The following L2HGDH variants were observed in gnomAD, a reference collection of about 807,000 sequenced individuals.
The protein encoded by L2HGDH is L-2-hydroxyglutarate dehydrogenase, also known as L-2-hydroxyglutarate dehydrogenase, mitochondrial.
A neutral mutation model predicts 51.5 loss-of-function variants in L2HGDH; 34 were observed. The observed-to-expected ratio is 0.66, with a 90% CI of 0.50 to 0.88. The LOEUF (loss-of-function observed/expected upper bound fraction) is 0.88. Ranked by LOEUF, L2HGDH falls within the 40% of genes least tolerant of loss-of-function variation. The pLI is 0.00. For missense variants in L2HGDH, 558 were observed against 571.9 expected (o/e 0.98, Z 0.25); for synonymous variants, 198 against 197.9 (o/e 1.00, Z -0.01).
At chr14:50,281,786 T>C (rs1403069279) in intron 5 of L2HGDH, among the ~76,000 whole-genome samples, 1 of 152,182 alleles carries the variant, frequency 6.6e-6, no homozygotes, top group Non-Finnish European at 1.5e-5. Flanking sequence ...CCAGGAGTGA[T>C]TCCTTCACCC....
At chr14:50,284,889 T>C (rs1276251751) in intron 4 of L2HGDH, among the ~76,000 whole-genome samples, 1 of 152,220 alleles carries the variant, frequency 6.6e-6, no homozygotes, top group Non-Finnish European at 1.5e-5. Context: ...ATTGTAAAGA[T>C]CTCACTCTTG....
chr14:50,286,972 T>C (rs1338440129), intron 4 of L2HGDH, among the ~76,000 whole-genome samples: 8 of 152,196 alleles, frequency 5.3e-5, no homozygotes, highest in African/African-American at 1.7e-4. Flanking sequence ...GTGCCTAACA[T>C]AGTGTGTGGC....
chr14:50,302,853 G>T, intron 2 of L2HGDH, 49 bp downstream of exon 2: 1 of 1,180,764 alleles, frequency 8.5e-7, no homozygotes, highest in South Asian at 1.2e-5. Flanking sequence ...CAGACAAAAT[G>T]AGCAGATGCC....
intron 7 of L2HGDH, among the ~76,000 whole-genome samples, chr14:50,268,325 G>A (rs537531426): frequency 6.8e-6 from 1 of 146,166 alleles, no homozygotes; most frequent in Non-Finnish European, 1.5e-5. Context: ...GTTGCAATAA[G>A]CCAAGATCAT....
At chr14:50,294,965 T>C (rs1313730621) in intron 3 of L2HGDH, among the ~76,000 whole-genome samples, 1 of 152,192 alleles carries the variant, frequency 6.6e-6, no homozygotes, top group Non-Finnish European at 1.5e-5. Flanking sequence ...GGTGACACTT[T>C]TAATCAAGGT....
chr14:50,270,396 GTTCTTA>G (rs1889602383), intron 6 of L2HGDH, among the ~76,000 whole-genome samples: 1 of 152,162 alleles, frequency 6.6e-6, no homozygotes. Context: ...TAGCAATTCT[GTTCTTA>G]TTCTTAGATC....
intron 9 of L2HGDH, among the ~76,000 whole-genome samples, chr14:50,262,052 C>T (rs1251930610): frequency 4.6e-5 from 7 of 152,186 alleles, no homozygotes; most frequent in Non-Finnish European, 1.0e-4. Flanking sequence ...TGTGCTTTCA[C>T]TGCAATACTA....
chr14:50,245,298 T>C lies in L2HGDH; in HGVS notation c.*1760A>G. 1 of 984,908 alleles carries C rather than the reference T, an allele frequency of 1.0e-6. No homozygotes were observed. Among genetic ancestry groups the C allele is most frequent in the Non-Finnish European group, 1.2e-6 (1 of 829,478 alleles). The allele number at this position is 984,908 out of a possible 1,614,324, so 61.0% of individuals were successfully genotyped here. A position where few individuals can be genotyped will look rare whatever the true frequency, so the allele number is the denominator to read the frequency against. On this transcript the variant is annotated 3_prime_UTR_variant, in exon 10 of 10. Coordinates refer to ENST00000267436, the MANE Select transcript of L2HGDH (RefSeq NM_024884.3). ...ATAAATAACTTTTTTAAATTGGAGTTCTATACATCAGTGTCAGGATTCTAA... is the reference window on the plus strand; with the variant it reads ...ATAAATAACTTTTTTAAATTGGAGTCCTATACATCAGTGTCAGGATTCTAA...
intron 6 of L2HGDH, among the ~76,000 whole-genome samples, chr14:50,276,576 T>C (rs996817999): frequency 2.0e-5 from 3 of 151,942 alleles, no homozygotes; most frequent in African/African-American, 7.3e-5. Flanking sequence ...GGGTAGGGGC[T>C]AATCCAATAG....
intron 4 of L2HGDH, among the ~76,000 whole-genome samples, chr14:50,285,499 A>G (rs1890518922): frequency 6.6e-6 from 1 of 152,218 alleles, no homozygotes; most frequent in South Asian, 2.1e-4. Context: ...CTAAATTCAC[A>G]TGCCAGTAAC....
chr14:50,275,872 C>A (rs1889952218), intron 6 of L2HGDH, among the ~76,000 whole-genome samples: 1 of 152,220 alleles, frequency 6.6e-6, no homozygotes, highest in African/African-American at 2.4e-5. Context: ...ATCCCCACAA[C>A]TTCGCTATTA....
chr14:50,283,953 T>G lies in L2HGDH; in HGVS notation c.621A>C (p.Gln207His), dbSNP rs1308001424. ...TGGTCAAGACAGAGCCACCTGCTTCTTGGAAATCCTGGGCAAATGACAAAG... is the reference window on the plus strand; with the variant it reads ...TGGTCAAGACAGAGCCACCTGCTTCGTGGAAATCCTGGGCAAATGACAAAG... The part of the protein sequence containing the change: ...QVALSFAQDF[Q>H]EAGGSVLTNF... The change falls in exon 5 of 10, where the codon CAA becomes CAC. Residue 207 changes from glutamine (Q) to histidine (H), a missense_variant. Gln to His is a conservative substitution (Grantham distance 24). Transcript: ENST00000267436. 6.2e-7 allele frequency: 1 copy of G among 1,614,136 alleles called. No individual in the cohort carries two copies. The highest frequency in any genetic ancestry group is 8.5e-7 in the Non-Finnish European group (1 of 1,180,010).
At position 50,269,217 on chromosome 14, in the gene L2HGDH, A is replaced by G. The variant is rs200003497; in HGVS notation, c.852T>C (p.Asp284=). 52 of 1,614,046 alleles carry G rather than the reference A, an allele frequency of 3.2e-5. No homozygotes were observed. In the Middle Eastern group the frequency reaches 4.9e-4, roughly 15 times the overall value. Residue 284 remains aspartate (D), a synonymous_variant, in exon 7 of 10, where the codon GAT becomes GAC. Transcript: ENST00000267436. ...PDPRIVPFRG[D]YLLLKPEKCY... ...ATTTTTCTGGCTTCAAAAGCAGGTAATCTCCCCGGAATGGTACAATTCGAG... is the reference window on the plus strand; with the variant it reads ...ATTTTTCTGGCTTCAAAAGCAGGTAGTCTCCCCGGAATGGTACAATTCGAG...
At position 50,242,600 on chromosome 14, in the gene L2HGDH, T is replaced by C. The variant is rs116626348; in HGVS notation, c.*4458A>G. The stretch of plus-strand genomic sequence containing the variant: ...TTCTTCCCTTCAGGGCTTCAGGGTT[T>C]ATTTCCATTCTTAAGCTATTTAATG... On this transcript the variant is annotated 3_prime_UTR_variant, in exon 10 of 10. Transcript: ENST00000267436. 629 of 985,152 alleles carry C rather than the reference T, an allele frequency of 6.4e-4. No individual in the cohort carries two copies. In the African/African-American group the frequency reaches 9.9e-3, roughly 15 times the overall value. 61.0% of individuals were successfully genotyped at this position (985,152 alleles called of 1,614,324 possible).
chr14:50,250,730 G>T (rs4901002), intron 9 of L2HGDH, among the ~76,000 whole-genome samples: 3 of 152,100 alleles, frequency 2.0e-5, no homozygotes, highest in African/African-American at 4.8e-5. Context: ...TTATTTGGGA[G>T]GAAGTAAGGG....
At chr14:50,306,600 G>A (rs1188988589) in intron 1 of L2HGDH, among the ~76,000 whole-genome samples, 2 of 133,218 alleles carry the variant, frequency 1.5e-5, no homozygotes, top group Non-Finnish European at 3.2e-5. Flanking sequence ...TTGTTTTGGG[G>A]TTTTTTTTTT....
At chr14:50,274,010 A>G (rs2139994983) in intron 6 of L2HGDH, among the ~76,000 whole-genome samples, 1 of 152,288 alleles carries the variant, frequency 6.6e-6, no homozygotes, top group South Asian at 2.1e-4. Context: ...CCCAGGAGGC[A>G]GAGGTTGAGG....
chr14:50,262,311 T>C (rs1216221194), intron 9 of L2HGDH, among the ~76,000 whole-genome samples: 1 of 151,284 alleles, frequency 6.6e-6, no homozygotes, highest in Non-Finnish European at 1.5e-5. Flanking sequence ...GTGCCTGTAA[T>C]CCCAGCTACT....
At position 50,294,945 on chromosome 14, in the gene L2HGDH, A is replaced by C. The variant is rs59889925; in HGVS notation, c.409-699T>G. On this transcript the variant is annotated intron_variant, in intron 3 of 9. Transcript: ENST00000267436. ...TTATTTCATACCAAAGAGGCAACAG[A>C]ATTTCATGAGGTGACACTTTTAATC... Among the ~76,000 whole-genome samples the C allele has an allele frequency of 4.8e-3, 732 of 152,328 alleles. 6 individuals are homozygous for C. The highest frequency in any genetic ancestry group is 0.017 in the African/African-American group (696 of 41,580).
Sources: gnomAD v4.1 joint callset for allele counts (sites outside exome capture counted in the v4.1 genomes callset) on GRCh38, gnomAD v4.1.1 for gene constraint, MANE v1.5 for transcripts, NCBI Gene and HGNC (gene_info 2026-07-23, HGNC 2026-07-21) for gene names.